ARFIP1: variants seen among roughly 807,000 people sequenced by gnomAD.
ARFIP1 encodes arfaptin-1.
ARFIP1 carries 24 observed loss-of-function variants against 42.5 expected under a neutral mutation model. That is an observed-to-expected ratio of 0.57 (90% CI 0.41 to 0.80). ARFIP1 has a LOEUF of 0.80. Among genes scored for constraint, ARFIP1 ranks in the 30% least tolerant of loss-of-function variants. ARFIP1 has a pLI of 0.00. For missense variants in ARFIP1, 354 were observed against 434.0 expected, an observed-to-expected ratio of 0.82 and a Z score of 1.64; for synonymous variants, 141 against 153.7, an observed-to-expected ratio of 0.92 and a Z score of 0.61.
At chr4:152,820,018 A>C (rs1416840608) in intron 1 of ARFIP1, among the ~76,000 whole-genome samples, 9 of 152,158 alleles carry the variant, frequency 5.9e-5, no homozygotes, top group Admixed American at 3.3e-4. Flanking sequence ...GCATTCCTGC[A>C]GATGAAAAGA....
chr4:152,844,174 G>A (rs187858488), intron 2 of ARFIP1, among the ~76,000 whole-genome samples: 184 of 152,294 alleles, frequency 1.2e-3, no homozygotes, highest in African/African-American at 3.8e-3. Flanking sequence ...CTTCTCCCAC[G>A]AACAGACCTT....
intron 3 of ARFIP1, 147 bp downstream of exon 3, chr4:152,863,861 A>G (rs556107481): frequency 2.3e-5 from 12 of 524,474 alleles, no homozygotes; most frequent in Non-Finnish European, 3.4e-5. Context: ...TTTCTCTTCA[A>G]TTTAAGTAAT....
intron 1 of ARFIP1, among the ~76,000 whole-genome samples, chr4:152,807,898 C>T (rs1729112403): frequency 6.6e-6 from 1 of 152,158 alleles, no homozygotes; most frequent in South Asian, 2.1e-4. Flanking sequence ...TCAACACTTA[C>T]TGGTTTTCTT....
Position 152,888,145 on chromosome 4 carries a change from T to C in ARFIP1, c.804T>C (p.Asp268=), listed in dbSNP as rs201351020. 5 of 1,604,884 alleles carry C rather than the reference T, an allele frequency of 3.1e-6. No individual in the cohort carries two copies. Among genetic ancestry groups the C allele is most frequent in the Non-Finnish European group, 4.2e-6 (5 of 1,177,008 alleles). Residue 268 remains aspartate, a synonymous_variant, in exon 8 of 9, where the codon GAT becomes GAC. Coordinates refer to ENST00000353617, the MANE Select transcript of ARFIP1 (RefSeq NM_001025595.3). The part of the protein sequence containing the change: ...KQYESARIEY[D]AYRTDLEELN... ...CTCTTCTTTCCAGGATTGAATATGA[T>C]GCATATCGCACTGATTTGGAAGAAC...
chr4:152,784,666 G>A (rs973805970), intron 1 of ARFIP1, among the ~76,000 whole-genome samples: 3 of 152,172 alleles, frequency 2.0e-5, no homozygotes, highest in Admixed American at 6.5e-5. Context: ...TCGTCACTTC[G>A]TGACCTCAGT....
rs766083303 is a variant in ARFIP1 at position 152,897,983 on chromosome 4, C to CTT, written c.966+9694_966+9695dup. ...TTTAAGAATTTGACTTTGCAATGTT[C>CTT]TTTTTTTTTTTTTTTTTTTGAGACG... is the stretch of plus-strand genomic sequence containing the variant. On this transcript the variant is annotated intron_variant, in intron 8 of 8. Coordinates refer to ENST00000353617, the MANE Select transcript of ARFIP1 (RefSeq NM_001025595.3). Among the ~76,000 whole-genome samples, 654 of 121,452 alleles carry CTT rather than the reference C, an allele frequency of 5.4e-3. 18 individuals are homozygous for CTT. The highest frequency in any genetic ancestry group is 7.8e-3 in the African/African-American group (254 of 32,672). 79.7% of individuals were successfully genotyped at this position (121,452 alleles called of 152,430 possible).
At chr4:152,804,089 CGTA>C (rs1561107856) in intron 1 of ARFIP1, among the ~76,000 whole-genome samples, 12 of 78,108 alleles carry the variant, frequency 1.5e-4, no homozygotes, top group Non-Finnish European at 1.8e-4. Context: ...TATAATATAA[CGTA>C]ATATATATTA....
chr4:152,818,447 C>A (rs889585598), intron 1 of ARFIP1, among the ~76,000 whole-genome samples: 1 of 152,172 alleles, frequency 6.6e-6, no homozygotes, highest in African/African-American at 2.4e-5. Context: ...TTTGCATGCA[C>A]GCCCAGACTC....
chr4:152,855,799 C>T (rs1733382428), intron 2 of ARFIP1, among the ~76,000 whole-genome samples: 1 of 152,212 alleles, frequency 6.6e-6, no homozygotes, highest in African/African-American at 2.4e-5. Flanking sequence ...TGCAAGAGTC[C>T]ACAGTGGGAA....
chr4:152,882,963 C>A, intron 7 of ARFIP1, 83 bp downstream of exon 7: 1 of 1,398,590 alleles, frequency 7.2e-7, no homozygotes, highest in Non-Finnish European at 9.7e-7. Context: ...ACAACAGAAA[C>A]CAACTCTGGC....
intron 1 of ARFIP1, among the ~76,000 whole-genome samples, chr4:152,803,873 A>T (rs1728619259): frequency 6.6e-6 from 1 of 150,538 alleles, no homozygotes; most frequent in African/African-American, 2.5e-5. Context: ...ACTGCTCATG[A>T]TAATATGGAG....
At chr4:152,821,275 T>A (rs1202987650) in intron 1 of ARFIP1, among the ~76,000 whole-genome samples, 1 of 152,192 alleles carries the variant, frequency 6.6e-6, no homozygotes, top group Non-Finnish European at 1.5e-5. Context: ...GAAAATTTTC[T>A]AAATTGATAT....
intron 5 of ARFIP1, among the ~76,000 whole-genome samples, chr4:152,877,824 G>T (rs566801342): frequency 6.6e-6 from 1 of 152,244 alleles, no homozygotes; most frequent in South Asian, 2.1e-4. Context: ...TTTATCAGGG[G>T]TTTCCGATTT....
intron 1 of ARFIP1, among the ~76,000 whole-genome samples, chr4:152,817,643 C>A (rs1730006524): frequency 1.3e-5 from 2 of 152,198 alleles, no homozygotes; most frequent in South Asian, 2.1e-4. Flanking sequence ...CATCAAAGGA[C>A]ACAACAGAGT....
chr4:152,830,402 A>G (rs953647193), intron 2 of ARFIP1, among the ~76,000 whole-genome samples: 1 of 152,214 alleles, frequency 6.6e-6, no homozygotes, highest in African/African-American at 2.4e-5. Context: ...TATGTCTAAT[A>G]TAGTCATAGA....
At chr4:152,906,909 A>C (rs1223802644) in intron 8 of ARFIP1, among the ~76,000 whole-genome samples, 2 of 152,184 alleles carry the variant, frequency 1.3e-5, no homozygotes, top group Non-Finnish European at 2.9e-5. Flanking sequence ...TTTTTCTTCC[A>C]GATAACTTAA....
intron 1 of ARFIP1, among the ~76,000 whole-genome samples, chr4:152,795,820 A>ATTTTTTTTTTGTTTTTTTTTTTTTTTTTT (rs1731418447): frequency 3.6e-5 from 1 of 28,066 alleles, no homozygotes; most frequent in Non-Finnish European, 6.2e-5. Context: ...GGCCCTTGTA[A>ATTTTTTTTTTGTTTTTTTTTTTTTTTTTT]TTTTTTTTTT....
intron 1 of ARFIP1, among the ~76,000 whole-genome samples, chr4:152,814,024 C>T (rs1729672271): frequency 6.6e-6 from 1 of 151,156 alleles, no homozygotes; most frequent in African/African-American, 2.4e-5. Flanking sequence ...TCTATTTCTC[C>T]TTTATTCGAT....
intron 1 of ARFIP1, among the ~76,000 whole-genome samples, chr4:152,791,424 A>G (rs1033513701): frequency 4.6e-5 from 7 of 152,162 alleles, no homozygotes; most frequent in Non-Finnish European, 8.8e-5. Flanking sequence ...TGGTAACTCA[A>G]TTTTTTATTG....
Sources: allele counts gnomAD v4.1 joint callset (sites outside exome capture counted in the v4.1 genomes callset), GRCh38; gene constraint gnomAD v4.1.1; transcripts MANE v1.5; gene names NCBI Gene and HGNC (gene_info 2026-07-23, HGNC 2026-07-21).